ANKS1B: variants seen among roughly 807,000 people sequenced by gnomAD.
ANKS1B encodes the protein ankyrin repeat and sterile alpha motif domain containing 1B.
A neutral mutation model predicts 148.3 loss-of-function variants in ANKS1B; 36 were observed. The ratio of observed to expected loss-of-function variants is 0.24; its 90% CI spans 0.19 to 0.32. The LOEUF (loss-of-function observed/expected upper bound fraction) is 0.32, where lower values mean the gene tolerates loss of function less well. Among genes scored for constraint, ANKS1B ranks in the 10% least tolerant of loss-of-function variants. The pLI, the probability that ANKS1B is intolerant of heterozygous loss-of-function variation, is 1.00. For missense variants in ANKS1B, 1,157 were observed against 1,542.6 expected (o/e 0.75, Z 4.19); for synonymous variants, 542 against 560.8 (o/e 0.97, Z 0.47).
chr12:99,861,043 T>G (rs2089956414), intron 1 of ANKS1B, among the ~76,000 whole-genome samples: 1 of 152,166 alleles, frequency 6.6e-6, no homozygotes, highest in African/African-American at 2.4e-5. Flanking sequence ...CAGCTGAGCT[T>G]TAGTCTATCA....
intron 17 of ANKS1B, among the ~76,000 whole-genome samples, chr12:98,919,873 G>T (rs1243479265): frequency 6.6e-6 from 1 of 152,154 alleles, no homozygotes; most frequent in Non-Finnish European, 1.5e-5. Flanking sequence ...ACTAGCAAAA[G>T]GCAGGGGGAT....
intron 1 of ANKS1B, among the ~76,000 whole-genome samples, chr12:99,979,939 A>C (rs2095673860): frequency 6.6e-6 from 1 of 152,030 alleles, no homozygotes; most frequent in Non-Finnish European, 1.5e-5. Context: ...GGTTATAGAA[A>C]ACATGCTTAT....
At chr12:98,852,440 C>G (rs1205241991) in intron 17 of ANKS1B, among the ~76,000 whole-genome samples, 6 of 151,960 alleles carry the variant, frequency 3.9e-5, no homozygotes, top group African/African-American at 1.2e-4. Context: ...ATTCTGCAAT[C>G]AAGTAGAAAG....
At chr12:98,752,595 G>A (rs2098123560) in intron 25 of ANKS1B, among the ~76,000 whole-genome samples, 1 of 152,118 alleles carries the variant, frequency 6.6e-6, no homozygotes, top group Admixed American at 6.6e-5. Context: ...TAAATTGACT[G>A]AGACTTGTCT....
intron 2 of ANKS1B, among the ~76,000 whole-genome samples, chr12:99,815,015 G>GA (rs1186550531): frequency 6.6e-6 from 1 of 151,620 alleles, no homozygotes. Context: ...TGTGAGAAGA[G>GA]AAAAATTTCA....
Position 98,801,370 on chromosome 12 carries a change from T to A in ANKS1B, c.3142-245A>T, listed in dbSNP as rs1010564019. Among the ~76,000 whole-genome samples, 3 of 151,000 alleles carry A rather than the reference T, an allele frequency of 2.0e-5. No homozygotes were observed. Among genetic ancestry groups the A allele is most frequent in the African/African-American group, 7.4e-5 (3 of 40,288 alleles). ...TTTTAGAATGACATCCTAAGCTAAG[T>A]CACTTTAAAATAAAACATGAAGATA... On this transcript the variant is annotated intron_variant, in intron 20 of 26. Coordinates refer to ENST00000683438, the MANE Select transcript of ANKS1B (RefSeq NM_001352186.2). The surrounding 1 kb of genome is among the most constrained non-coding windows in gnomAD (Gnocchi z 5.2).
intron 8 of ANKS1B, among the ~76,000 whole-genome samples, chr12:99,688,880 T>TA (rs36016130): frequency 4.4e-3 from 632 of 143,268 alleles, no homozygotes; most frequent in African/African-American, 5.4e-3. Flanking sequence ...GTGCTAAATT[T>TA]AAAAAAAAAA....
At chr12:98,764,809 C>T (rs11109594) in intron 25 of ANKS1B, among the ~76,000 whole-genome samples, 14,760 of 152,290 alleles carry the variant, frequency 0.097, 872 homozygotes, top group Non-Finnish European at 0.14. Context: ...GCGCGTCCCT[C>T]CTCTTGGAGA....
At chr12:98,908,779 T>A (rs577841926) in intron 17 of ANKS1B, among the ~76,000 whole-genome samples, 1 of 152,062 alleles carries the variant, frequency 6.6e-6, no homozygotes, top group South Asian at 2.1e-4. Flanking sequence ...AAAGAAAGAG[T>A]TGGTGAGGGC....
At chr12:99,525,613 G>T (rs548383482) in intron 9 of ANKS1B, among the ~76,000 whole-genome samples, 2 of 152,110 alleles carry the variant, frequency 1.3e-5, no homozygotes, top group African/African-American at 4.8e-5. Flanking sequence ...AAAACCACGG[G>T]TTATATAATA....
At position 99,086,971 on chromosome 12, in the gene ANKS1B, G is replaced by A. The variant is rs151052996; in HGVS notation, c.2527-1948C>T. ...ACCACTGTGGTTGTTTTCTAGAGGC[G>A]CTGTGGGCATAGACTAACGTAGTAG... On this transcript the variant is annotated intron_variant, in intron 15 of 26. Transcript: ENST00000683438. Among the ~76,000 whole-genome samples the A allele has an allele frequency of 4.0e-3, 610 of 152,268 alleles. 4 individuals carry two copies. The highest frequency in any genetic ancestry group is 0.014 in the African/African-American group (585 of 41,554).
chr12:99,502,753 T>C (rs1438763633), intron 10 of ANKS1B, among the ~76,000 whole-genome samples: 2 of 152,176 alleles, frequency 1.3e-5, no homozygotes, highest in African/African-American at 4.8e-5. Context: ...CTTAGAACAG[T>C]ATCTGCCACA....
At chr12:99,415,666 A>G (rs2094874802) in intron 11 of ANKS1B, among the ~76,000 whole-genome samples, 1 of 152,132 alleles carries the variant, frequency 6.6e-6, no homozygotes, top group African/African-American at 2.4e-5. Context: ...GAGCAATTCC[A>G]TCACCACGAG....
chr12:98,889,956 G>A (rs1448623335), intron 17 of ANKS1B, among the ~76,000 whole-genome samples: 2 of 152,100 alleles, frequency 1.3e-5, no homozygotes, highest in African/African-American at 4.8e-5. Context: ...CAGAAGGAAA[G>A]GAATTAAAGA....
intron 9 of ANKS1B, among the ~76,000 whole-genome samples, chr12:99,528,859 ATAT>A (rs1263704351): frequency 2.6e-5 from 4 of 152,192 alleles, no homozygotes; most frequent in Non-Finnish European, 4.4e-5. Flanking sequence ...TTTCTAGAAG[ATAT>A]TATTAGAAAC....
intron 8 of ANKS1B, among the ~76,000 whole-genome samples, chr12:99,662,780 T>C (rs1373463869): frequency 6.6e-6 from 1 of 152,182 alleles, no homozygotes; most frequent in Non-Finnish European, 1.5e-5. Flanking sequence ...ATTGCACAGC[T>C]TAACTCCTCC....
At chr12:99,884,517 A>C (rs2092718856) in intron 1 of ANKS1B, among the ~76,000 whole-genome samples, 1 of 152,234 alleles carries the variant, frequency 6.6e-6, no homozygotes, top group Admixed American at 6.5e-5. Context: ...GAATGGATGG[A>C]ACAAAACTAA....
chr12:99,774,753 GGATA>G (rs2063497613), intron 7 of ANKS1B, among the ~76,000 whole-genome samples: 1 of 151,946 alleles, frequency 6.6e-6, no homozygotes, highest in Non-Finnish European at 1.5e-5. Flanking sequence ...TCAGATGGAT[GGATA>G]AATAAAATGC....
chr12:98,833,841 C>T (rs1326557633), intron 17 of ANKS1B, among the ~76,000 whole-genome samples: 1 of 152,072 alleles, frequency 6.6e-6, no homozygotes, highest in African/African-American at 2.4e-5. Flanking sequence ...TGAGAACATG[C>T]AATATTTGGT....
Sources: allele counts gnomAD v4.1 joint callset (sites outside exome capture counted in the v4.1 genomes callset), GRCh38; gene constraint gnomAD v4.1.1; non-coding constraint Gnocchi (gnomAD v3.1); transcripts MANE v1.5; gene names NCBI Gene and HGNC (gene_info 2026-07-23, HGNC 2026-07-21).